Variants in VPS13C observed in about 807,000 individuals in gnomAD.
VPS13C encodes intermembrane lipid transfer protein VPS13C.
Under a neutral mutation model 456.8 loss-of-function variants are expected in VPS13C, and 358 were observed. The ratio of observed to expected loss-of-function variants is 0.78; its 90% confidence interval spans 0.72 to 0.86. The LOEUF (loss-of-function observed/expected upper bound fraction) is 0.86, where lower values mean the gene tolerates loss of function less well. Ranked by LOEUF, VPS13C falls within the 40% of genes least tolerant of loss-of-function variation. The probability of loss-of-function intolerance (pLI) is 0.00; values close to 1 mark genes in which losing one functional copy is unlikely to be tolerated. For synonymous variants in VPS13C, 1,578 were observed against 1,486.7 expected, an observed-to-expected ratio of 1.06 and a Z score of -1.41; for missense variants, 4,818 against 4,385.4, an observed-to-expected ratio of 1.10 and a Z score of -2.79.
At chr15:62,050,884 A>G (rs1596538206) in intron 1 of VPS13C, among the ~76,000 whole-genome samples, 1 of 152,040 alleles carries the variant, frequency 6.6e-6, no homozygotes, top group Admixed American at 6.6e-5. Flanking sequence ...GAACCAGAAG[A>G]TGAAAATGGA....
chr15:62,053,623 G>A (rs932487200), intron 1 of VPS13C, among the ~76,000 whole-genome samples: 1 of 152,220 alleles, frequency 6.6e-6, no homozygotes, highest in African/African-American at 2.4e-5. Context: ...CAGAAGAGAT[G>A]ACCTTGTCTA....
In VPS13C at chr15:61,907,518, T is replaced by C. The variant is rs111609833; in HGVS notation, c.8979-128A>G. 17 of 1,233,526 alleles carry C rather than the reference T, an allele frequency of 1.4e-5. No individual in the cohort carries two copies. The African/African-American group carries it at 2.0e-4, about 14-fold the overall frequency. 76.4% of individuals were successfully genotyped at this position (1,233,526 alleles called of 1,614,324 possible). A position where few individuals can be genotyped will look rare whatever the true frequency, so the allele number is the denominator to read the frequency against. On this transcript the variant is annotated intron_variant, in intron 65 of 84. Coordinates refer to ENST00000644861, the MANE Select transcript of VPS13C (RefSeq NM_020821.3). ...TGCTGTGGTTAATAAAACACAACTC[T>C]ACCTAAAAACAAGTACCCTAAAATA... is the stretch of plus-strand genomic sequence containing the variant.
chr15:61,879,349 G>C (rs1317320793), intron 73 of VPS13C: 2 of 152,060 alleles, frequency 1.3e-5, no homozygotes, highest in Non-Finnish European at 2.9e-5. Flanking sequence ...TCATTTCCTA[G>C]GCATATTAAC....
intron 16 of VPS13C, among the ~76,000 whole-genome samples, chr15:62,000,193 C>T (rs551263801): frequency 2.0e-5 from 3 of 152,174 alleles, no homozygotes; most frequent in Admixed American, 6.5e-5. Flanking sequence ...AACAACCCAT[C>T]TCTACTAAAA....
intron 67 of VPS13C, among the ~76,000 whole-genome samples, chr15:61,885,544 G>C (rs1256940422): frequency 1.3e-5 from 2 of 152,078 alleles, no homozygotes; most frequent in Admixed American, 1.3e-4. Context: ...TCTACTTCTC[G>C]TGAAAATTCA....
chr15:61,902,588 A>G (rs1041342836), intron 66 of VPS13C, among the ~76,000 whole-genome samples: 1 of 149,292 alleles, frequency 6.7e-6, no homozygotes, highest in African/African-American at 2.6e-5. Flanking sequence ...AGAATCAAGG[A>G]CAAAAACCAT....
intron 24 of VPS13C, among the ~76,000 whole-genome samples, chr15:61,975,293 G>T (rs1420738914): frequency 1.3e-5 from 2 of 151,386 alleles, no homozygotes; most frequent in Admixed American, 6.6e-5. Flanking sequence ...AGGAAATCAG[G>T]AAAAAAAAGA....
chr15:61,912,077 C>T (rs1333699066), intron 62 of VPS13C, 73 bp from the exon 63 acceptor site: 2 of 1,229,484 alleles, frequency 1.6e-6, no homozygotes, highest in Admixed American at 2.9e-5. Flanking sequence ...CCCTCATTCA[C>T]ACACAAACTT....
At chr15:62,033,083 C>T (rs926540732) in intron 5 of VPS13C, among the ~76,000 whole-genome samples, 2 of 151,604 alleles carry the variant, frequency 1.3e-5, no homozygotes, top group African/African-American at 4.8e-5. Flanking sequence ...TGCTTAACCT[C>T]ATTATCCAGC....
intron 32 of VPS13C, 26 bp downstream of exon 32, chr15:61,963,809 A>G (rs374792755): frequency 2.2e-5 from 34 of 1,540,556 alleles, no homozygotes; most frequent in Middle Eastern, 3.5e-4. Context: ...CTTTTCGCCA[A>G]TTTTCAATGC....
rs559156966 is a variant in VPS13C at position 61,978,865 on chromosome 15, A to T, written c.2167-116T>A. On this transcript the variant is annotated intron_variant, in intron 22 of 84. Coordinates refer to ENST00000644861, the MANE Select transcript of VPS13C (RefSeq NM_020821.3). ...GTTAGTTAAAACCTAACAAATTGAA[A>T]ATACTGCTCTTAATGAATAAACATT... 44 of 918,510 alleles carry T rather than the reference A, an allele frequency of 4.8e-5. 1 individual carries two copies. In the East Asian group the frequency reaches 1.2e-3, roughly 26 times the overall value. 56.9% of individuals were successfully genotyped at this position (918,510 alleles called of 1,614,324 possible). A position where few individuals can be genotyped will look rare whatever the true frequency, so the allele number is the denominator to read the frequency against.
Position 62,008,739 on chromosome 15 carries a change from A to G in VPS13C, c.1034T>C (p.Leu345Ser), listed in dbSNP as rs1165891043. ...KPQYLSMIDL[L>S]ESVDYMVRNA... ...CCTAACCATATAATCCACTGACTCC[A>G]AAAGGTCAATCATACTTAAGTACTG... Residue 345 changes from leucine (L) to serine (S), a missense_variant, in exon 14 of 85, where the codon TTG (leucine) becomes TCG (serine). Physicochemically the swap from Leu to Ser is moderately radical, Grantham distance 145. Coordinates refer to ENST00000644861, the MANE Select transcript of VPS13C (RefSeq NM_020821.3). 6.9e-6 allele frequency: 11 copies of G among 1,603,566 alleles called. No individual in the cohort carries two copies. The highest frequency in any genetic ancestry group is 1.1e-5 in the South Asian group (1 of 89,176).
Position 61,974,331 on chromosome 15 carries a change from A to G in VPS13C, c.2495T>C (p.Ile832Thr). The G allele has an allele frequency of 6.2e-7, 1 of 1,612,614 alleles. No homozygotes were observed. Among genetic ancestry groups the G allele is most frequent in the Non-Finnish European group, 8.5e-7 (1 of 1,178,994 alleles). Reference sequence around the variant, plus strand: ...GGCTGATGATTTCTGTGGCAAAGGTATACTGTTCATCAAATATAGCACATC... The same window carrying G: ...GGCTGATGATTTCTGTGGCAAAGGTGTACTGTTCATCAAATATAGCACATC... ...MKDVLYLMNS[I>T]PLPQKSSAQS... The change falls in exon 25 of 85, where the codon ATA (isoleucine) becomes ACA (threonine). Residue 832 changes from isoleucine to threonine, a missense_variant. Around this residue, in one of 3 missense-constraint regions of VPS13C, gnomAD observed 4,552 missense variants for 4,130.6 expected, o/e 1.10. Coordinates refer to ENST00000644861, the MANE Select transcript of VPS13C (RefSeq NM_020821.3).
At chr15:62,037,423 TATATAA>T (rs1176255106) in intron 3 of VPS13C, among the ~76,000 whole-genome samples, 2 of 91,432 alleles carry the variant, frequency 2.2e-5, no homozygotes, top group Non-Finnish European at 4.4e-5. Context: ...TAATATGTTA[TATATAA>T]ATATAATATA....
chr15:61,981,202 A>G (rs1379673856), intron 22 of VPS13C, 140 bp downstream of exon 22: 1 of 1,061,052 alleles, frequency 9.4e-7, no homozygotes, highest in African/African-American at 1.6e-5. Context: ...AAAATACTCC[A>G]AGCAAGGCTT....
chr15:61,903,309 C>T (rs1277341962), intron 66 of VPS13C, among the ~76,000 whole-genome samples: 1 of 151,584 alleles, frequency 6.6e-6, no homozygotes, highest in Admixed American at 6.6e-5. Context: ...GCACTCCAGC[C>T]CAGGTGACAG....
chr15:61,886,102 G>A (rs1175303008), intron 67 of VPS13C, among the ~76,000 whole-genome samples: 1 of 152,152 alleles, frequency 6.6e-6, no homozygotes, highest in Non-Finnish European at 1.5e-5. Flanking sequence ...TTTAGCTGCT[G>A]CAATCAGACA....
At chr15:62,058,067 A>C (rs981555764) in intron 1 of VPS13C, among the ~76,000 whole-genome samples, 1 of 152,380 alleles carries the variant, frequency 6.6e-6, no homozygotes, top group African/African-American at 2.4e-5. Context: ...ATCATCCAGT[A>C]TGATTTAAAC....
chr15:61,896,384 G>A (rs1400159037), intron 66 of VPS13C, among the ~76,000 whole-genome samples: 1 of 152,198 alleles, frequency 6.6e-6, no homozygotes, highest in African/African-American at 2.4e-5. Flanking sequence ...GCACAGGTCA[G>A]TGGGTGCACG....
Sources: gnomAD v4.1 joint callset for allele counts (sites outside exome capture counted in the v4.1 genomes callset) on GRCh38, gnomAD v4.1.1 for gene constraint, gnomAD v4.1.1 regional missense constraint, MANE v1.5 for transcripts, NCBI Gene and HGNC (gene_info 2026-07-23, HGNC 2026-07-21) for gene names.